RORA: variants seen among roughly 807,000 people sequenced by gnomAD.
RORA encodes the protein RAR related orphan receptor A.
A neutral mutation model predicts 69.5 loss-of-function variants in RORA; 7 were observed. The ratio of observed to expected loss-of-function variants is 0.10; its 90% CI spans 0.06 to 0.19. The LOEUF (loss-of-function observed/expected upper bound fraction) is 0.19, where lower values mean the gene tolerates loss of function less well. Among genes scored for constraint, RORA ranks in the 10% least tolerant of loss-of-function variants. The pLI is 1.00. For missense variants in RORA, 457 were observed against 663.0 expected, an observed-to-expected ratio of 0.69 and a Z score of 3.41; for synonymous variants, 261 against 240.8, an observed-to-expected ratio of 1.08 and a Z score of -0.78.
chr15:61,124,055 C>T (rs2140825361), intron 1 of RORA, among the ~76,000 whole-genome samples: 1 of 152,312 alleles, frequency 6.6e-6, no homozygotes, highest in Non-Finnish European at 1.5e-5. Context: ...TGAGAAGGTT[C>T]CTTACCCGCC....
intron 1 of RORA, among the ~76,000 whole-genome samples, chr15:60,729,037 T>C (rs1233522147): frequency 2.6e-5 from 4 of 152,194 alleles, no homozygotes; most frequent in African/African-American, 9.6e-5. Flanking sequence ...TGGGGTTTTA[T>C]TCTAGGTGTA....
At chr15:60,750,951 A>G (rs17204381) in intron 1 of RORA, among the ~76,000 whole-genome samples, 10,777 of 152,136 alleles carry the variant, frequency 0.071, 480 homozygotes, top group Admixed American at 0.12. Context: ...CCCTCTCGTT[A>G]CCCCACGGTA....
chr15:60,645,709 A>G (rs2070028842), intron 2 of RORA, among the ~76,000 whole-genome samples: 1 of 152,134 alleles, frequency 6.6e-6, no homozygotes, highest in Non-Finnish European at 1.5e-5. Flanking sequence ...CAGATCAATT[A>G]GAAGTCATTT....
In RORA at chr15:61,128,562, A is replaced by G. The variant is rs2079162802; in HGVS notation, c.166+100491T>C. ...CGTTAGATAACTCAGGGATACGGGG[A>G]GAGAGAAATCCTGGGGTGTGCAATC... On this transcript the variant is annotated intron_variant, in intron 1 of 10. Coordinates refer to ENST00000335670, the MANE Select transcript of RORA (RefSeq NM_134261.3). The surrounding 1 kb of genome is among the most constrained non-coding windows in gnomAD (Gnocchi z 4.5). Among the ~76,000 whole-genome samples, 1 of 152,192 alleles carries G rather than the reference A, an allele frequency of 6.6e-6. No homozygotes were observed. Among genetic ancestry groups the G allele is most frequent in the Non-Finnish European group, 1.5e-5 (1 of 68,026 alleles).
intron 1 of RORA, among the ~76,000 whole-genome samples, chr15:60,800,160 C>CT (rs924225711): frequency 7.5e-4 from 113 of 151,600 alleles, no homozygotes; most frequent in Non-Finnish European, 2.5e-4. Flanking sequence ...GACATCAGGG[C>CT]TTTTTTTTTC....
intron 2 of RORA, among the ~76,000 whole-genome samples, chr15:60,541,455 C>T (rs1349932826): frequency 6.6e-6 from 1 of 152,192 alleles, no homozygotes; most frequent in East Asian, 1.9e-4. Flanking sequence ...ATTAAAGAAA[C>T]ATTTCCATTC....
At chr15:60,823,145 C>T (rs1302944076) in intron 1 of RORA, among the ~76,000 whole-genome samples, 1 of 142,104 alleles carries the variant, frequency 7.0e-6, no homozygotes, top group Non-Finnish European at 1.5e-5. Flanking sequence ...TTTTTTTCTC[C>T]CTTCCTTTCT....
At position 60,495,610 on chromosome 15, in the gene RORA, AG is replaced by A. The variant is rs1464011343; in HGVS notation, c.*1844del. On this transcript the variant is annotated 3_prime_UTR_variant, in exon 11 of 11. Coordinates refer to ENST00000335670, the MANE Select transcript of RORA (RefSeq NM_134261.3). ...CTGCAATTCCTGTAGAAGATTCCGC[AG>A]GGACCCCAATGGCAGAGGAGACTAT... The A allele has an allele frequency of 6.6e-6, 1 of 152,220 alleles. No homozygotes were observed. Among genetic ancestry groups the A allele is most frequent in the African/African-American group, 2.4e-5 (1 of 41,448 alleles). 9.4% of individuals were successfully genotyped at this position (152,220 alleles called of 1,614,324 possible). A position where few individuals can be genotyped will look rare whatever the true frequency, so the allele number is the denominator to read the frequency against.
intron 1 of RORA, among the ~76,000 whole-genome samples, chr15:60,934,427 A>G (rs1024474747): frequency 6.6e-6 from 1 of 151,654 alleles, no homozygotes; most frequent in Non-Finnish European, 1.5e-5. Context: ...CCATAACTCC[A>G]GAGTATTTGA....
intron 1 of RORA, among the ~76,000 whole-genome samples, chr15:60,756,528 A>G (rs991943751): frequency 6.6e-6 from 1 of 152,232 alleles, no homozygotes; most frequent in South Asian, 2.1e-4. Flanking sequence ...CACATAACCC[A>G]TTAAGATCTC....
intron 1 of RORA, among the ~76,000 whole-genome samples, chr15:60,768,910 T>A (rs1204848153): frequency 6.6e-6 from 1 of 152,206 alleles, no homozygotes; most frequent in East Asian, 1.9e-4. Context: ...GGAGTTTCAA[T>A]CGGCATTATT....
chr15:60,809,181 A>T (rs1027215980), intron 1 of RORA, among the ~76,000 whole-genome samples: 3 of 152,170 alleles, frequency 2.0e-5, no homozygotes, highest in African/African-American at 7.2e-5. Flanking sequence ...AAAATAAATT[A>T]AAAAATGTAA....
chr15:61,004,117 G>A (rs898823737), intron 1 of RORA, among the ~76,000 whole-genome samples: 1 of 152,166 alleles, frequency 6.6e-6, no homozygotes, highest in Non-Finnish European at 1.5e-5. Flanking sequence ...CAGACAAGAG[G>A]AGGTTTCAAC....
intron 2 of RORA, among the ~76,000 whole-genome samples, chr15:60,594,860 C>T (rs1395622011): frequency 6.6e-6 from 1 of 152,216 alleles, no homozygotes; most frequent in African/African-American, 2.4e-5. Flanking sequence ...ACTTCATTCA[C>T]TTCCTACAAC....
chr15:60,897,217 C>T (rs1303402645), intron 1 of RORA, among the ~76,000 whole-genome samples: 1 of 152,218 alleles, frequency 6.6e-6, no homozygotes, highest in Non-Finnish European at 1.5e-5. Flanking sequence ...TGCCACTTCA[C>T]TCATCTGTGG....
At chr15:60,684,193 T>C (rs920387862) in intron 1 of RORA, among the ~76,000 whole-genome samples, 2 of 152,172 alleles carry the variant, frequency 1.3e-5, no homozygotes, top group Admixed American at 1.3e-4. Flanking sequence ...GACAAGGCCC[T>C]AGACTTGATG....
intron 2 of RORA, among the ~76,000 whole-genome samples, chr15:60,640,813 C>G (rs966810106): frequency 6.6e-6 from 1 of 152,202 alleles, no homozygotes; most frequent in Non-Finnish European, 1.5e-5. Flanking sequence ...GACCTAGTCA[C>G]TCTCTATCAC....
chr15:60,797,794 C>A (rs1385265132), intron 1 of RORA, among the ~76,000 whole-genome samples: 4 of 152,144 alleles, frequency 2.6e-5, no homozygotes, highest in Non-Finnish European at 5.9e-5. Context: ...CAATTGCCAG[C>A]TTCAGCAGCT....
intron 2 of RORA, among the ~76,000 whole-genome samples, chr15:60,657,130 G>C (rs1157595718): frequency 6.6e-6 from 1 of 152,162 alleles, no homozygotes; most frequent in Non-Finnish European, 1.5e-5. Flanking sequence ...CTTGAACAAA[G>C]TAAAAGGCCT....
Sources: gnomAD v4.1 joint callset for allele counts (sites outside exome capture counted in the v4.1 genomes callset) on GRCh38, gnomAD v4.1.1 for gene constraint, Gnocchi (gnomAD v3.1) non-coding constraint, MANE v1.5 for transcripts, NCBI Gene and HGNC (gene_info 2026-07-23, HGNC 2026-07-21) for gene names.